The following URGCP variants were observed in gnomAD, a reference collection of about 807,000 sequenced individuals.
URGCP encodes upregulator of cell proliferation.
In URGCP, 13 loss-of-function variants were observed where a neutral mutation model predicts 24.6. That is an observed-to-expected ratio of 0.53 (90% confidence interval 0.34 to 0.84). The LOEUF is 0.84. Ranked by LOEUF, URGCP falls within the 40% of genes least tolerant of loss-of-function variation. URGCP has a pLI of 0.01. For missense variants in URGCP, 899 were observed against 1,194.3 expected, an observed-to-expected ratio of 0.75 and a Z score of 3.64; for synonymous variants, 444 against 487.2, an observed-to-expected ratio of 0.91 and a Z score of 1.17.
intron 5 of URGCP, among the ~76,000 whole-genome samples, 184 bp downstream of exon 5, chr7:43,881,475 T>G (rs898963661): frequency 2.9e-5 from 3 of 104,136 alleles, no homozygotes; most frequent in Admixed American, 9.7e-5. Context: ...CTTCCCAGGG[T>G]TTTTTTTTTT....
intron 5 of URGCP, chr7:43,881,225 G>T: frequency 2.8e-6 from 2 of 702,932 alleles, no homozygotes; most frequent in South Asian, 3.0e-5. Flanking sequence ...CTTCTGCCCA[G>T]TGTGTGGCCC....
chr7:43,918,791 C>T, intron 1 of URGCP: 2 of 1,024,358 alleles, frequency 2.0e-6, no homozygotes, highest in South Asian at 1.3e-5. Context: ...ATGGTATCAG[C>T]CCCAAGGGCA....
rs1356287345 is a variant in URGCP, at chr7:43,876,175, G to A, written c.*492C>T. ...TCAGTCAATAAATACGGTGCCATGGGAGTGCCTTGCACACCACGGGCACTC... is the reference window on the plus strand; with the variant it reads ...TCAGTCAATAAATACGGTGCCATGGAAGTGCCTTGCACACCACGGGCACTC... On this transcript the variant is annotated 3_prime_UTR_variant, in exon 6 of 6. Transcript: ENST00000453200. 6.1e-6 allele frequency: 1 copy of A among 165,126 alleles called. No homozygotes were observed. The highest frequency in any genetic ancestry group is 1.3e-5 in the Non-Finnish European group (1 of 75,746). The allele number at this position is 165,126 out of a possible 1,614,324, so 10.2% of individuals were successfully genotyped here. A position where few individuals can be genotyped will look rare whatever the true frequency, so the allele number is the denominator to read the frequency against.
Position 43,878,156 on chromosome 7 carries a change from C to T in URGCP, c.1307G>A (p.Gly436Glu). 1 of 1,614,246 alleles carries T rather than the reference C, an allele frequency of 6.2e-7. No homozygotes were observed. The highest frequency in any genetic ancestry group is 8.5e-7 in the Non-Finnish European group (1 of 1,180,046). ...CCTGCAGGGTGCCCGCAGCACATTC[C>T]CAACGATGGCCCGGATCCTCTTCAC... ...SFVKRIRAIV[G>E]NVLRAPCRRV... The change falls in exon 6 of 6, where the codon GGG becomes GAG. Residue 436 changes from glycine to glutamate, a missense_variant. Gly to Glu is a moderately conservative substitution (Grantham distance 98). Coordinates refer to ENST00000453200, the MANE Select transcript of URGCP (RefSeq NM_001077663.3). This position sits in a 1 kb window ranked among gnomAD's most constrained non-coding sequence, Gnocchi z 5.6.
upstream of URGCP, among the ~76,000 whole-genome samples, chr7:43,911,085 G>A (rs2095909596): frequency 6.6e-6 from 1 of 152,030 alleles, no homozygotes; most frequent in Non-Finnish European, 1.5e-5. Flanking sequence ...TAAGAAAATA[G>A]ACAGCCTGAA....
chr7:43,912,372 G>A (rs941810684), intron 1 of URGCP, among the ~76,000 whole-genome samples: 9 of 152,090 alleles, frequency 5.9e-5, no homozygotes, highest in African/African-American at 1.2e-4. Flanking sequence ...GGTGGCGCAC[G>A]CCTGTAGTCC....
At chr7:43,905,063 G>A (rs1177077320) in intron 1 of URGCP, among the ~76,000 whole-genome samples, 1 of 152,038 alleles carries the variant, frequency 6.6e-6, no homozygotes, top group Non-Finnish European at 1.5e-5. Context: ...AATCACAACC[G>A]CAAATACCAA....
At chr7:43,882,017 C>G (rs2095854656) in intron 3 of URGCP, 60 bp from the exon 4 acceptor site, 1 of 1,609,854 alleles carries the variant, frequency 6.2e-7, no homozygotes, top group Non-Finnish European at 8.5e-7. Context: ...ACCTTTCTGT[C>G]AAAAATTTCA....
intron 1 of URGCP, 195 bp downstream of exon 1, chr7:43,906,367 C>CT: frequency 2.8e-6 from 1 of 361,136 alleles, no homozygotes; most frequent in Non-Finnish European, 3.2e-6. Context: ...CGCCCGCCCC[C>CT]CACGCCCGCG....
At chr7:43,913,374 A>ATT (rs1381309121) in intron 1 of URGCP, among the ~76,000 whole-genome samples, 2 of 144,588 alleles carry the variant, frequency 1.4e-5, no homozygotes, top group African/African-American at 5.0e-5. Context: ...ACTCCCGGCT[A>ATT]TTTTTTTTTT....
At chr7:43,890,656 C>T (rs2095869340) in intron 1 of URGCP, among the ~76,000 whole-genome samples, 1 of 152,226 alleles carries the variant, frequency 6.6e-6, no homozygotes, top group African/African-American at 2.4e-5. Context: ...TGCTCACCTT[C>T]CCTCCTCTGG....
intron 3 of URGCP, among the ~76,000 whole-genome samples, chr7:43,883,176 T>C (rs2095856495): frequency 6.6e-6 from 1 of 151,606 alleles, no homozygotes; most frequent in Non-Finnish European, 1.5e-5. Flanking sequence ...GACCTAAAAC[T>C]CTAGATTTGC....
At chr7:43,917,019 T>A (rs1015862980) in intron 1 of URGCP, among the ~76,000 whole-genome samples, 1 of 152,166 alleles carries the variant, frequency 6.6e-6, no homozygotes, top group Non-Finnish European at 1.5e-5. Flanking sequence ...TGTGTCCCCA[T>A]GCTGTGGGAT....
intron 1 of URGCP, among the ~76,000 whole-genome samples, chr7:43,920,422 G>C (rs1256695348): frequency 6.6e-6 from 1 of 152,108 alleles, no homozygotes; most frequent in Non-Finnish European, 1.5e-5. Flanking sequence ...AATTAGCTGG[G>C]TGTGGTGGCA....
chr7:43,924,863 C>T (rs574611217), intron 1 of URGCP, among the ~76,000 whole-genome samples: 30 of 152,230 alleles, frequency 2.0e-4, no homozygotes, highest in African/African-American at 7.0e-4. Context: ...CTTTGATCTC[C>T]TGGGCTCAAG....
At chr7:43,903,746 C>G (rs187837734) in intron 1 of URGCP, among the ~76,000 whole-genome samples, 43 of 152,236 alleles carry the variant, frequency 2.8e-4, no homozygotes, top group Admixed American at 1.4e-3. Flanking sequence ...TTTCAGAGAA[C>G]AAAGGGACCC....
chr7:43,876,485 G>A lies in URGCP; in HGVS notation c.*182C>T, dbSNP rs1585781562. The stretch of plus-strand genomic sequence containing the variant: ...CTTGGTAACATCTCTGAGCTGGTCT[G>A]TGAGGTCACTTCCTCTTTTAACACT... On this transcript the variant is annotated 3_prime_UTR_variant, in exon 6 of 6. Transcript: ENST00000453200. The A allele has an allele frequency of 1.5e-6, 1 of 652,948 alleles. No homozygotes were observed. Among genetic ancestry groups the A allele is most frequent in the Non-Finnish European group, 2.6e-6 (1 of 381,292 alleles). The allele number at this position is 652,948 out of a possible 1,614,324, so 40.4% of individuals were successfully genotyped here.
At chr7:43,920,254 A>G (rs1181000331) in intron 1 of URGCP, among the ~76,000 whole-genome samples, 1 of 152,190 alleles carries the variant, frequency 6.6e-6, no homozygotes, top group East Asian at 1.9e-4. Flanking sequence ...GATATAAATA[A>G]ATTTTTTTTA....
chr7:43,922,866 C>G (rs1184249888), intron 1 of URGCP, among the ~76,000 whole-genome samples: 2 of 152,112 alleles, frequency 1.3e-5, no homozygotes, highest in South Asian at 2.1e-4. Context: ...TAGATGTAAG[C>G]CACCACACCA....
Sources: allele counts gnomAD v4.1 joint callset (sites outside exome capture counted in the v4.1 genomes callset), GRCh38; gene constraint gnomAD v4.1.1; non-coding constraint Gnocchi (gnomAD v3.1); transcripts MANE v1.5; gene names NCBI Gene and HGNC (gene_info 2026-07-23, HGNC 2026-07-21).